SGCD: variants seen among roughly 807,000 people sequenced by gnomAD.
The protein encoded by SGCD is delta-sarcoglycan.
Under a neutral mutation model 36.6 loss-of-function variants are expected in SGCD, and 18 were observed. That is an observed-to-expected ratio of 0.49 (90% CI 0.34 to 0.73). The LOEUF is 0.73. Ranked by LOEUF, SGCD falls within the 30% of genes least tolerant of loss-of-function variation. The pLI, the probability that SGCD is intolerant of heterozygous loss-of-function variation, is 0.01. For missense variants in SGCD, 387 were observed against 346.7 expected (o/e 1.12, Z -0.92); for synonymous variants, 133 against 130.6 (o/e 1.02, Z -0.12).
chr5:156,319,291 T>G (rs1767599551), intron 3 of SGCD, among the ~76,000 whole-genome samples: 1 of 152,182 alleles, frequency 6.6e-6, no homozygotes, highest in Non-Finnish European at 1.5e-5. Flanking sequence ...TACAATCCAC[T>G]GAAAATACAG....
At chr5:156,492,628 A>C (rs767179038) in intron 3 of SGCD, among the ~76,000 whole-genome samples, 1 of 152,146 alleles carries the variant, frequency 6.6e-6, no homozygotes, top group Non-Finnish European at 1.5e-5. Context: ...GGTTTGTTAC[A>C]TAGGTATACA....
At chr5:155,766,577 T>C in the SGCD span, among the ~76,000 whole-genome samples, 1 of 152,134 alleles carries the variant, frequency 6.6e-6, no homozygotes, top group East Asian at 1.9e-4. Context: ...TTCTGCAAAA[T>C]CACAAAGCAG....
the SGCD span, among the ~76,000 whole-genome samples, chr5:155,816,966 A>G: frequency 6.6e-6 from 1 of 152,170 alleles, no homozygotes; most frequent in Non-Finnish European, 1.5e-5. Context: ...TTTCATTTTT[A>G]TATGGTGCTC....
At chr5:155,971,297 C>A (rs917743512) in intron 1 of SGCD, among the ~76,000 whole-genome samples, 2 of 152,114 alleles carry the variant, frequency 1.3e-5, no homozygotes, top group Non-Finnish European at 2.9e-5. Context: ...TGTCTGGCAG[C>A]AAAGTTCTCC....
In SGCD at chr5:156,583,647, C is replaced by T. The variant is rs79423511; in HGVS notation, c.295-5584C>T. Among the ~76,000 whole-genome samples the T allele has an allele frequency of 2.4e-3, 364 of 151,736 alleles. 8 individuals are homozygous for T. In the East Asian group the frequency reaches 0.052, roughly 22 times the overall value. ...CTCATTTCTGAAGAAAATTCAAAACCGTTAAAATGGAGTATGAAGGCAAAA... is the reference window on the plus strand; with the variant it reads ...CTCATTTCTGAAGAAAATTCAAAACTGTTAAAATGGAGTATGAAGGCAAAA... On this transcript the variant is annotated intron_variant, in intron 4 of 8. Coordinates refer to ENST00000337851, the MANE Select transcript of SGCD (RefSeq NM_000337.6).
At chr5:155,866,868 A>G (rs948307044), upstream of SGCD, among the ~76,000 whole-genome samples, 1 of 152,128 alleles carries the variant, frequency 6.6e-6, no homozygotes, top group African/African-American at 2.4e-5. Context: ...TGCGTACACA[A>G]TGGTAGACTT....
intron 4 of SGCD, among the ~76,000 whole-genome samples, chr5:156,544,210 G>C (rs903901278): frequency 1.6e-4 from 24 of 152,148 alleles, no homozygotes; most frequent in Non-Finnish European, 7.3e-5. Flanking sequence ...TTCCCTAGTT[G>C]GGAAAATTTT....
chr5:156,199,720 A>G (rs1764098197), intron 3 of SGCD, among the ~76,000 whole-genome samples: 1 of 152,158 alleles, frequency 6.6e-6, no homozygotes, highest in Admixed American at 6.6e-5. Context: ...CCAAAAATCT[A>G]TAAACTTCAC....
At chr5:156,036,416 T>A (rs1284517592) in intron 1 of SGCD, among the ~76,000 whole-genome samples, 3 of 152,146 alleles carry the variant, frequency 2.0e-5, no homozygotes, top group Non-Finnish European at 2.9e-5. Context: ...CTATCCAGGC[T>A]CCTCAGGAAG....
intron 3 of SGCD, among the ~76,000 whole-genome samples, chr5:156,269,490 A>AC (rs1766105338): frequency 6.9e-6 from 1 of 145,164 alleles, no homozygotes; most frequent in African/African-American, 2.6e-5. Context: ...AAAAAAAAAA[A>AC]AAAAAAAAAA....
At chr5:156,247,042 G>A (rs1029232551) in intron 3 of SGCD, among the ~76,000 whole-genome samples, 3 of 152,140 alleles carry the variant, frequency 2.0e-5, no homozygotes, top group South Asian at 2.1e-4. Flanking sequence ...CATTTGCAGC[G>A]CTTCTTGAGC....
chr5:156,738,721 TTCTAACCAG>T (rs1756504051), intron 7 of SGCD: 1 of 152,216 alleles, frequency 6.6e-6, no homozygotes, highest in Non-Finnish European at 1.5e-5. Flanking sequence ...AAATCATCAG[TTCTAACCAG>T]TTTGAGGGGG....
intron 3 of SGCD, among the ~76,000 whole-genome samples, chr5:156,429,929 T>C (rs1450247098): frequency 6.6e-6 from 1 of 152,170 alleles, no homozygotes; most frequent in Non-Finnish European, 1.5e-5. Context: ...TACCTGATGC[T>C]TTTTTCTCAC....
At chr5:156,347,918 G>T (rs189143300) in intron 3 of SGCD, among the ~76,000 whole-genome samples, 5 of 152,086 alleles carry the variant, frequency 3.3e-5, no homozygotes, top group South Asian at 4.2e-4. Flanking sequence ...AGTCCTTAAA[G>T]CTTTACCAAA....
At position 156,305,961 on chromosome 5, in the gene SGCD, A is replaced by G. The variant is rs766235963; in HGVS notation, c.-43-23573A>G. 4.6e-4 allele frequency among the ~76,000 whole-genome samples: 69 copies of G among 151,088 alleles called. 1 individual carries two copies. Among genetic ancestry groups the G allele is most frequent in the Middle Eastern group, 3.4e-3 (1 of 292 alleles). On this transcript the variant is annotated intron_variant, in intron 3 of 9. Coordinates refer to the SGCD transcript ENST00000517913. Reference sequence around the variant, plus strand: ...TCTCCCATTTGGAATGGCTGTATTTACCCAATGCCTGTACCCCCATTGTAT... The same window carrying G: ...TCTCCCATTTGGAATGGCTGTATTTGCCCAATGCCTGTACCCCCATTGTAT...
chr5:156,495,273 G>A (rs916755270), intron 3 of SGCD, among the ~76,000 whole-genome samples: 1 of 152,114 alleles, frequency 6.6e-6, no homozygotes, highest in Admixed American at 6.6e-5. Flanking sequence ...CTGGGAGTAT[G>A]TCTGATGCCA....
chr5:156,682,713 G>A (rs1753767142), intron 7 of SGCD, among the ~76,000 whole-genome samples: 1 of 152,214 alleles, frequency 6.6e-6, no homozygotes, highest in African/African-American at 2.4e-5. Flanking sequence ...GATATCATTT[G>A]ATCAGCAGGG....
intron 3 of SGCD, among the ~76,000 whole-genome samples, chr5:156,443,187 G>A (rs1029708361): frequency 2.0e-5 from 3 of 152,118 alleles, no homozygotes; most frequent in African/African-American, 7.2e-5. Context: ...GTTTCACCGT[G>A]TTGGCCAGGC....
chr5:155,887,345 C>T (rs1049576849), intron 1 of SGCD, among the ~76,000 whole-genome samples: 1 of 152,172 alleles, frequency 6.6e-6, no homozygotes, highest in Non-Finnish European at 1.5e-5. Flanking sequence ...AGAAAAATGA[C>T]TTAAGAACAT....
Sources: gnomAD v4.1 joint callset for allele counts (sites outside exome capture counted in the v4.1 genomes callset) on GRCh38, gnomAD v4.1.1 for gene constraint, MANE v1.5 for transcripts, NCBI Gene and HGNC (gene_info 2026-07-23, HGNC 2026-07-21) for gene names.